Variants in KCNB2 observed in about 807,000 individuals in gnomAD.
The protein encoded by KCNB2 is potassium voltage-gated channel subfamily B member 2.
KCNB2 carries 15 observed loss-of-function variants against 61.5 expected under a neutral mutation model. The observed-to-expected ratio is 0.24, with a 90% CI of 0.16 to 0.38. The LOEUF is 0.38. Ranked by LOEUF, KCNB2 falls within the 10% of genes least tolerant of loss-of-function variation. KCNB2 has a pLI of 1.00. For missense variants in KCNB2, 828 were observed against 1,125.2 expected (o/e 0.74, Z 3.78); for synonymous variants, 457 against 446.0 (o/e 1.02, Z -0.31).
intron 2 of KCNB2, among the ~76,000 whole-genome samples, chr8:72,702,158 T>G (rs1807141838): frequency 6.6e-6 from 1 of 152,174 alleles, no homozygotes; most frequent in South Asian, 2.1e-4. Flanking sequence ...CACAACATGA[T>G]CTTCTCAGAG....
chr8:72,831,848 C>T (rs1467036496), intron 2 of KCNB2, among the ~76,000 whole-genome samples: 1 of 152,150 alleles, frequency 6.6e-6, no homozygotes, highest in Admixed American at 6.6e-5. Context: ...AAGAGACTAT[C>T]CTTCACACAA....
At chr8:72,548,650 T>C (rs1280549394) in intron 1 of KCNB2, among the ~76,000 whole-genome samples, 1 of 152,178 alleles carries the variant, frequency 6.6e-6, no homozygotes, top group African/African-American at 2.4e-5. Context: ...TTAAAGTCAT[T>C]GGGTTTTTTT....
chr8:72,581,684 G>A (rs565345542), intron 2 of KCNB2, among the ~76,000 whole-genome samples: 2 of 152,294 alleles, frequency 1.3e-5, no homozygotes, highest in South Asian at 2.1e-4. Context: ...GTACGTTTTC[G>A]ATATAGGCTG....
intron 2 of KCNB2, among the ~76,000 whole-genome samples, chr8:72,741,145 C>T (rs1807951593): frequency 6.6e-6 from 1 of 152,090 alleles, no homozygotes; most frequent in Admixed American, 6.5e-5. Flanking sequence ...TGATTCTGAA[C>T]ACATTGATTT....
chr8:72,663,700 G>A (rs1390727798), intron 2 of KCNB2, among the ~76,000 whole-genome samples: 1 of 152,196 alleles, frequency 6.6e-6, no homozygotes, highest in African/African-American at 2.4e-5. Flanking sequence ...CATGATGCCA[G>A]ATACGCTGCA....
At chr8:72,590,994 G>A (rs1268353173) in intron 2 of KCNB2, among the ~76,000 whole-genome samples, 1 of 152,164 alleles carries the variant, frequency 6.6e-6, no homozygotes, top group African/African-American at 2.4e-5. Context: ...TAAAGGAAGA[G>A]GAAATCCTTT....
At chr8:72,836,854 G>GTTTC (rs1809791242) in intron 2 of KCNB2, among the ~76,000 whole-genome samples, 2 of 152,178 alleles carry the variant, frequency 1.3e-5, no homozygotes, top group African/African-American at 2.4e-5. Flanking sequence ...AAACTGCAAT[G>GTTTC]AGCCATGTTT....
intron 2 of KCNB2, among the ~76,000 whole-genome samples, chr8:72,842,364 A>G (rs1226775797): frequency 6.6e-6 from 1 of 152,174 alleles, no homozygotes; most frequent in African/African-American, 2.4e-5. Flanking sequence ...TTTCTCATCA[A>G]TGTTCATCAG....
At chr8:72,611,222 ATGT>A (rs1484746938) in intron 2 of KCNB2, among the ~76,000 whole-genome samples, 4 of 152,222 alleles carry the variant, frequency 2.6e-5, no homozygotes, top group African/African-American at 9.6e-5. Context: ...CATATGGATG[ATGT>A]TAAAATATCA....
At position 72,929,716 on chromosome 8, in the gene KCNB2, C is replaced by T. The variant is rs56899486; in HGVS notation, c.580-6219C>T. Reference sequence around the variant, plus strand: ...TTGCAGATGACCTAATCCAAATTTCCGAAGGGTTTAACCAACATCACGCAG... The same window carrying T: ...TTGCAGATGACCTAATCCAAATTTCTGAAGGGTTTAACCAACATCACGCAG... On this transcript the variant is annotated intron_variant, in intron 2 of 2. Transcript: ENST00000523207. 2.8e-3 allele frequency among the ~76,000 whole-genome samples: 431 copies of T among 152,268 alleles called. 5 individuals carry two copies. Among genetic ancestry groups the T allele is most frequent in the African/African-American group, 9.7e-3 (404 of 41,554 alleles).
intron 2 of KCNB2, among the ~76,000 whole-genome samples, chr8:72,743,847 T>C (rs902592307): frequency 6.6e-6 from 1 of 151,670 alleles, no homozygotes; most frequent in Non-Finnish European, 1.5e-5. Context: ...AACTTTGCCC[T>C]TAGAAAAATA....
chr8:72,925,176 G>A (rs1806615152), intron 2 of KCNB2, among the ~76,000 whole-genome samples: 1 of 151,992 alleles, frequency 6.6e-6, no homozygotes, highest in Non-Finnish European at 1.5e-5. Flanking sequence ...GGATAATGGT[G>A]GGAATAAATC....
At chr8:72,607,395 G>A (rs550324534) in intron 2 of KCNB2, among the ~76,000 whole-genome samples, 11 of 152,278 alleles carry the variant, frequency 7.2e-5, no homozygotes, top group African/African-American at 1.9e-4. Context: ...CAGTAATTTC[G>A]GGGAGAGAGA....
intron 2 of KCNB2, among the ~76,000 whole-genome samples, chr8:72,690,717 CTTT>C (rs1200701876): frequency 6.6e-6 from 1 of 152,158 alleles, no homozygotes; most frequent in African/African-American, 2.4e-5. Flanking sequence ...AGCTATACTT[CTTT>C]AACTTAAAAA....
At chr8:72,679,849 C>G (rs1806723106) in intron 2 of KCNB2, among the ~76,000 whole-genome samples, 1 of 152,164 alleles carries the variant, frequency 6.6e-6, no homozygotes, top group Non-Finnish European at 1.5e-5. Context: ...TTGAACCAAA[C>G]TAACTGCCTA....
chr8:72,861,259 G>A (rs1805401444), intron 2 of KCNB2, among the ~76,000 whole-genome samples: 1 of 152,176 alleles, frequency 6.6e-6, no homozygotes, highest in South Asian at 2.1e-4. Context: ...GATCAAATTT[G>A]CAAATTGTGA....
intron 2 of KCNB2, among the ~76,000 whole-genome samples, chr8:72,650,784 T>G (rs1806199484): frequency 6.6e-6 from 1 of 152,170 alleles, no homozygotes; most frequent in Non-Finnish European, 1.5e-5. Context: ...TTCTAAAGAA[T>G]TAACCTTGCT....
At chr8:72,870,733 G>A (rs1236932915) in intron 2 of KCNB2, among the ~76,000 whole-genome samples, 1 of 152,168 alleles carries the variant, frequency 6.6e-6, no homozygotes. Flanking sequence ...CTACAAAAAT[G>A]GTGGCTCTTA....
intron 2 of KCNB2, among the ~76,000 whole-genome samples, chr8:72,643,458 T>G (rs1464439515): frequency 2.6e-5 from 4 of 152,132 alleles, no homozygotes; most frequent in African/African-American, 7.2e-5. Context: ...TAAAGTTTCT[T>G]TCTGCCCATT....
Sources: allele counts gnomAD v4.1 joint callset (sites outside exome capture counted in the v4.1 genomes callset), GRCh38; gene constraint gnomAD v4.1.1; transcripts MANE v1.5; gene names NCBI Gene and HGNC (gene_info 2026-07-23, HGNC 2026-07-21).